KCNH8: variants seen among roughly 807,000 people sequenced by gnomAD.
The protein encoded by KCNH8 is potassium voltage-gated channel subfamily H member 8.
A neutral mutation model predicts 103.6 loss-of-function variants in KCNH8; 70 were observed. The observed-to-expected ratio is 0.68, with a 90% CI of 0.56 to 0.82. The LOEUF (loss-of-function observed/expected upper bound fraction) is 0.82. Among genes scored for constraint, KCNH8 ranks in the 40% least tolerant of loss-of-function variants. KCNH8 has a pLI of 0.00. For synonymous variants in KCNH8, 498 were observed against 489.4 expected (o/e 1.02, Z -0.23); for missense variants, 1,217 against 1,329.9 (o/e 0.92, Z 1.32).
chr3:19,214,738 C>T (rs2063802734), intron 1 of KCNH8, among the ~76,000 whole-genome samples: 2 of 152,194 alleles, frequency 1.3e-5, no homozygotes, highest in African/African-American at 4.8e-5. Flanking sequence ...TGACATTAGA[C>T]ATGTACCAAG....
At chr3:19,515,481 T>A in intron 14 of KCNH8, 53 bp downstream of exon 14, 2 of 905,916 alleles carry the variant, frequency 2.2e-6, no homozygotes, top group Non-Finnish European at 3.0e-6. Flanking sequence ...TATTAACTTG[T>A]AATGTTTGTT....
intron 9 of KCNH8, 161 bp from the exon 10 acceptor site, chr3:19,450,994 A>T (rs1192016765): frequency 2.9e-6 from 2 of 683,074 alleles, no homozygotes; most frequent in African/African-American, 1.8e-5. Context: ...ACAGTCACTG[A>T]AAAATCTCTC....
At chr3:19,466,141 G>C (rs2125196887) in intron 11 of KCNH8, among the ~76,000 whole-genome samples, 1 of 152,058 alleles carries the variant, frequency 6.6e-6, no homozygotes, top group South Asian at 2.1e-4. Flanking sequence ...GCTTAGGCTG[G>C]TCTCAAACTC....
intron 7 of KCNH8, among the ~76,000 whole-genome samples, chr3:19,420,926 G>A (rs989504746): frequency 7.9e-5 from 12 of 152,152 alleles, no homozygotes; most frequent in African/African-American, 2.7e-4. Context: ...TCTTATGGTA[G>A]TCATTCTTTA....
chr3:19,416,494 T>G (rs1331594762), intron 7 of KCNH8, among the ~76,000 whole-genome samples: 3 of 152,186 alleles, frequency 2.0e-5, no homozygotes, highest in Non-Finnish European at 4.4e-5. Flanking sequence ...TCCCCATTTT[T>G]GTTTCATTAG....
chr3:19,495,786 A>G (rs1369365611), intron 11 of KCNH8, among the ~76,000 whole-genome samples: 2 of 151,756 alleles, frequency 1.3e-5, no homozygotes, highest in Non-Finnish European at 2.9e-5. Context: ...AAATTACTCT[A>G]TGCAGTGTGG....
chr3:19,214,250 CAG>C (rs1221852701), intron 1 of KCNH8, among the ~76,000 whole-genome samples: 2 of 152,204 alleles, frequency 1.3e-5, no homozygotes, highest in Non-Finnish European at 2.9e-5. Context: ...ACACTTTTAT[CAG>C]AGTTAATAAT....
At chr3:19,176,310 T>C (rs532039828) in intron 1 of KCNH8, among the ~76,000 whole-genome samples, 1 of 152,298 alleles carries the variant, frequency 6.6e-6, no homozygotes, top group Admixed American at 6.5e-5. Context: ...ATTGTCTACA[T>C]TGTGCCCTTA....
intron 3 of KCNH8, among the ~76,000 whole-genome samples, chr3:19,308,863 A>G (rs539017034): frequency 7.4e-6 from 1 of 134,248 alleles, no homozygotes; most frequent in Non-Finnish European, 1.6e-5. Flanking sequence ...AGCAAATTTT[A>G]TTTTCATTAC....
intron 3 of KCNH8, among the ~76,000 whole-genome samples, chr3:19,292,092 A>G (rs1329713518): frequency 6.6e-6 from 1 of 152,214 alleles, no homozygotes. Flanking sequence ...CATTCAAACC[A>G]GTTGAGTATA....
chr3:19,223,224 G>C (rs1048198155), intron 1 of KCNH8, among the ~76,000 whole-genome samples: 2 of 152,106 alleles, frequency 1.3e-5, no homozygotes, highest in African/African-American at 4.8e-5. Context: ...CATTAGAACA[G>C]AGTCACGCAT....
rs555616149 is a variant in KCNH8, at chr3:19,351,723, G to A, written c.811+3758G>A. Among the ~76,000 whole-genome samples, 26 of 152,188 alleles carry A rather than the reference G, an allele frequency of 1.7e-4. 1 individual carries two copies. In the South Asian group the frequency reaches 3.7e-3, roughly 22 times the overall value. On this transcript the variant is annotated intron_variant, in intron 5 of 15. Coordinates refer to ENST00000328405, the MANE Select transcript of KCNH8 (RefSeq NM_144633.3). ...TCACCACCAGGCCTGCCTTACAAGA[G>A]CTCCTGAAGAAAGCACTAAACATGG...
rs186666127 is a variant in KCNH8 at position 19,420,470 on chromosome 3, A to C, written c.1178-17694A>C. 4.4e-4 allele frequency among the ~76,000 whole-genome samples: 67 copies of C among 152,224 alleles called. No individual in the cohort carries two copies. In the East Asian group the frequency reaches 0.013, roughly 29 times the overall value. ...CGCACAGAGGGAGGGCGGTATTTCT[A>C]ATTTTATCATCTGCCCATAAAATCA... On this transcript the variant is annotated intron_variant, in intron 7 of 15. Transcript: ENST00000328405.
At chr3:19,406,675 T>C (rs1475275129) in intron 7 of KCNH8, among the ~76,000 whole-genome samples, 1 of 152,140 alleles carries the variant, frequency 6.6e-6, no homozygotes, top group African/African-American at 2.4e-5. Flanking sequence ...GGTGAGTTAC[T>C]CTTTTATTTA....
chr3:19,493,197 T>C (rs1311936977), intron 11 of KCNH8, among the ~76,000 whole-genome samples: 1 of 152,126 alleles, frequency 6.6e-6, no homozygotes, highest in East Asian at 1.9e-4. Flanking sequence ...TGTCTTCCTA[T>C]TTGGATGCCT....
chr3:19,157,360 A>G (rs1001202038), intron 1 of KCNH8, among the ~76,000 whole-genome samples: 3 of 152,190 alleles, frequency 2.0e-5, no homozygotes, highest in East Asian at 1.9e-4. Flanking sequence ...GCCTGGGGCA[A>G]TGAGAAGGAG....
chr3:19,392,096 AATTAT>A lies in KCNH8; in HGVS notation c.969+1465_969+1469del, dbSNP rs1230857968. Among the ~76,000 whole-genome samples the A allele has an allele frequency of 2.0e-4, 30 of 150,552 alleles. No individual in the cohort carries two copies. The East Asian group carries it at 2.5e-3, about 13-fold the overall frequency. On this transcript the variant is annotated intron_variant, in intron 6 of 15. Transcript: ENST00000328405. ...TTTTAAATATGTATATATAATATAC[AATTAT>A]ATTATAGGTATATATAACATACATT... is the stretch of plus-strand genomic sequence containing the variant.
chr3:19,442,221 T>C (rs2067294372), intron 8 of KCNH8, among the ~76,000 whole-genome samples: 1 of 152,316 alleles, frequency 6.6e-6, no homozygotes, highest in African/African-American at 2.4e-5. Flanking sequence ...GTTATGACTT[T>C]TATAATTTCC....
chr3:19,346,260 A>C (rs2065726700), intron 4 of KCNH8, among the ~76,000 whole-genome samples: 1 of 152,086 alleles, frequency 6.6e-6, no homozygotes, highest in Admixed American at 6.6e-5. Context: ...TTTTATGAGA[A>C]GCCCAACGGG....
Sources: gnomAD v4.1 joint callset for allele counts (sites outside exome capture counted in the v4.1 genomes callset) on GRCh38, gnomAD v4.1.1 for gene constraint, MANE v1.5 for transcripts, NCBI Gene and HGNC (gene_info 2026-07-23, HGNC 2026-07-21) for gene names.